CASZ1: variants seen among roughly 807,000 people sequenced by gnomAD.
CASZ1 encodes the protein castor zinc finger 1.
In CASZ1, 28 loss-of-function variants were observed where a neutral mutation model predicts 135.2. The ratio of observed to expected loss-of-function variants is 0.21; its 90% CI spans 0.15 to 0.28. The LOEUF is 0.28. CASZ1 is among the 10% of genes least tolerant of loss of function. CASZ1 has a pLI of 1.00. For missense variants in CASZ1, 2,161 were observed against 2,453.3 expected, an observed-to-expected ratio of 0.88 and a Z score of 2.52; for synonymous variants, 1,068 against 1,073.4, an observed-to-expected ratio of 0.99 and a Z score of 0.10.
At chr1:10,779,959 G>A (rs2100610071) in intron 1 of CASZ1, among the ~76,000 whole-genome samples, 1 of 152,266 alleles carries the variant, frequency 6.6e-6, no homozygotes, top group Non-Finnish European at 1.5e-5. Context: ...GCCTGGGAGT[G>A]TGTACCTGGA....
intron 9 of CASZ1, among the ~76,000 whole-genome samples, chr1:10,654,876 G>A (rs577427860): frequency 6.6e-6 from 1 of 152,356 alleles, no homozygotes; most frequent in South Asian, 2.1e-4. Context: ...TTGGCCCAGG[G>A]GAGGGAGCTG....
In CASZ1 at chr1:10,701,783, G is replaced by A. The variant is rs1384479163; in HGVS notation, c.-24+3709C>T. ...GCTCAGGCCTGGGGCTGAGCCCCTAGGACCAGGCAGCTGACGGGGGGCTGG... is the reference window on the plus strand; with the variant it reads ...GCTCAGGCCTGGGGCTGAGCCCCTAAGACCAGGCAGCTGACGGGGGGCTGG... On this transcript the variant is annotated intron_variant, in intron 3 of 20. Transcript: ENST00000377022. The surrounding 1 kb of genome is among the most constrained non-coding windows in gnomAD (Gnocchi z 6.3). Among the ~76,000 whole-genome samples the A allele has an allele frequency of 4.6e-5, 7 of 152,162 alleles. No homozygotes were observed. The highest frequency in any genetic ancestry group is 8.8e-5 in the Non-Finnish European group (6 of 68,026).
chr1:10,758,228 C>T (rs1049237425), intron 2 of CASZ1, among the ~76,000 whole-genome samples: 10 of 152,130 alleles, frequency 6.6e-5, no homozygotes, highest in Admixed American at 1.3e-4. Flanking sequence ...GTTTGTTTCA[C>T]GCTGCCTCGC....
chr1:10,752,891 G>C (rs1045790886), intron 2 of CASZ1, among the ~76,000 whole-genome samples: 7 of 151,990 alleles, frequency 4.6e-5, no homozygotes, highest in African/African-American at 1.5e-4. Flanking sequence ...CAAAAAATTA[G>C]CTGGGTGTGG....
In CASZ1 at chr1:10,706,093, T is replaced by C. The variant is rs1274014537; in HGVS notation, c.-76-549A>G. On this transcript the variant is annotated intron_variant, in intron 2 of 20. Coordinates refer to ENST00000377022, the MANE Select transcript of CASZ1 (RefSeq NM_001079843.3). The surrounding 1 kb of genome is among the most constrained non-coding windows in gnomAD (Gnocchi z 4.3). Reference sequence around the variant, plus strand: ...GGGCCAAGGCATCAGGAAGCCTCCATGCCCCAGGATCAGGCTGCCGACAGC... The same window carrying C: ...GGGCCAAGGCATCAGGAAGCCTCCACGCCCCAGGATCAGGCTGCCGACAGC... Among the ~76,000 whole-genome samples the C allele has an allele frequency of 6.6e-6, 1 of 152,242 alleles. No homozygotes were observed. The highest frequency in any genetic ancestry group is 1.9e-4 in the East Asian group (1 of 5,200).
At chr1:10,750,554 C>T (rs1272396219) in intron 2 of CASZ1, among the ~76,000 whole-genome samples, 1 of 152,094 alleles carries the variant, frequency 6.6e-6, no homozygotes, top group Non-Finnish European at 1.5e-5. Context: ...AGGCGTGAGC[C>T]ACTGTGCCCA....
intron 13 of CASZ1, 156 bp downstream of exon 13, chr1:10,650,536 A>G (rs765015601): frequency 6.2e-6 from 4 of 645,738 alleles, no homozygotes; most frequent in Middle Eastern, 2.6e-4. Context: ...TGGCTCTGAA[A>G]TTATATCCGA....
chr1:10,677,236 G>A (rs189633606), intron 4 of CASZ1, among the ~76,000 whole-genome samples: 9 of 152,318 alleles, frequency 5.9e-5, no homozygotes, highest in Admixed American at 2.6e-4. Flanking sequence ...CCTCGCTGCT[G>A]GAGGAGGCAG....
chr1:10,638,936 G>GT lies in CASZ1; in HGVS notation c.*5_*6insA. The GT allele has an allele frequency of 2.0e-6, 2 of 980,702 alleles. No individual in the cohort carries two copies. Among genetic ancestry groups the GT allele is most frequent in the Non-Finnish European group, 2.4e-6 (2 of 828,162 alleles). 60.8% of individuals were successfully genotyped at this position (980,702 alleles called of 1,614,324 possible). A position where few individuals can be genotyped will look rare whatever the true frequency, so the allele number is the denominator to read the frequency against. ...AGGCCGCCGCCAGGGCCACCCGCGG[G>GT]CGCCGCTAGGGCGAGGAGGCTGCAG... is the stretch of plus-strand genomic sequence containing the variant. On this transcript the variant is annotated 3_prime_UTR_variant, in exon 21 of 21. Transcript: ENST00000377022. This position sits in a 1 kb window ranked among gnomAD's most constrained non-coding sequence, Gnocchi z 5.9.
At position 10,793,731 on chromosome 1, in the gene CASZ1, C is replaced by CGG. The variant is rs554222744; in HGVS notation, c.-234+2831_-234+2832dup. ...AAGAAGGGGGTGGGTGGCGGGGGGGCGGGGCGGCGATCTCTCCAATTCGCC... is the reference window on the plus strand; with the variant it reads ...AAGAAGGGGGTGGGTGGCGGGGGGGCGGGGGGCGGCGATCTCTCCAATTCGCC... On this transcript the variant is annotated intron_variant, in intron 1 of 20. Transcript: ENST00000377022. 3.7e-3 allele frequency among the ~76,000 whole-genome samples: 443 copies of CGG among 121,246 alleles called. 8 individuals carry two copies. The East Asian group carries it at 0.053, about 14-fold the overall frequency. 79.5% of individuals were successfully genotyped at this position (121,246 alleles called of 152,430 possible).
rs1179088186 is a variant in CASZ1, at chr1:10,659,741, T to A, written c.1301A>T (p.Lys434Ile). ...TPEYLKSTFS[K>I]TDSITTGTVS... ...GGTCCCCGTGGTGATGGAGTCTGTT[T>A]TGGAGAAGGTTGACTTCAGGTACTC... The change falls in exon 6 of 21, where the codon AAA becomes ATA. Residue 434 changes from lysine to isoleucine, a missense_variant. Around this residue, in one of 7 missense-constraint regions of CASZ1, gnomAD observed 248 missense variants for 410.8 expected, o/e 0.60. Coordinates refer to ENST00000377022, the MANE Select transcript of CASZ1 (RefSeq NM_001079843.3). The A allele has an allele frequency of 6.2e-7, 1 of 1,613,998 alleles. No homozygotes were observed. Among genetic ancestry groups the A allele is most frequent in the South Asian group, 1.1e-5 (1 of 91,078 alleles).
chr1:10,725,466 A>G lies in CASZ1; in HGVS notation c.-76-19922T>C, dbSNP rs1639580032. Among the ~76,000 whole-genome samples, 1 of 152,164 alleles carries G rather than the reference A, an allele frequency of 6.6e-6. No homozygotes were observed. Among genetic ancestry groups the G allele is most frequent in the South Asian group, 2.1e-4 (1 of 4,836 alleles). The stretch of plus-strand genomic sequence containing the variant: ...TTCCTCTTTGCCAGACAGTTTGCAG[A>G]TTGCTCTGTTGGCTCAATTTCTTAT... On this transcript the variant is annotated intron_variant, in intron 2 of 20. Coordinates refer to ENST00000377022, the MANE Select transcript of CASZ1 (RefSeq NM_001079843.3). The surrounding 1 kb of genome is among the most constrained non-coding windows in gnomAD (Gnocchi z 4.4).
Position 10,660,182 on chromosome 1 carries a change from G to T in CASZ1, c.860C>A (p.Thr287Asn), listed in dbSNP as rs1371592237. ...CGGCAGGGGCAGGATGGTGGCCTTG[G>T]TCTCCAGGTGGGCCGTGCTGCTGGG... The part of the protein sequence containing the change: ...RLPSSTAHLE[T>N]KATILPLPSH... The change falls in exon 6 of 21, where the codon ACC becomes AAC. Residue 287 changes from threonine to asparagine, a missense_variant. Transcript: ENST00000377022. 1 of 1,613,548 alleles carries T rather than the reference G, an allele frequency of 6.2e-7. No individual in the cohort carries two copies. Among genetic ancestry groups the T allele is most frequent in the African/African-American group, 1.3e-5 (1 of 74,920 alleles).
At chr1:10,681,190 C>A (rs1212645817) in intron 4 of CASZ1, among the ~76,000 whole-genome samples, 1 of 151,074 alleles carries the variant, frequency 6.6e-6, no homozygotes, top group South Asian at 2.1e-4. Flanking sequence ...CAGGAGCCAC[C>A]GTGCCTGACC....
At chr1:10,750,455 A>T (rs1324796354) in intron 2 of CASZ1, among the ~76,000 whole-genome samples, 1 of 151,744 alleles carries the variant, frequency 6.6e-6, no homozygotes, top group Non-Finnish European at 1.5e-5. Flanking sequence ...GCTAATTTTT[A>T]TTTTTTAATT....
chr1:10,761,239 T>C (rs1055548455), intron 1 of CASZ1, among the ~76,000 whole-genome samples: 4 of 152,208 alleles, frequency 2.6e-5, no homozygotes, highest in African/African-American at 9.7e-5. Flanking sequence ...AAGCCAATAC[T>C]GGAAACAGAT....
chr1:10,732,446 G>A (rs1639718560), intron 2 of CASZ1, among the ~76,000 whole-genome samples: 1 of 152,088 alleles, frequency 6.6e-6, no homozygotes, highest in Non-Finnish European at 1.5e-5. Context: ...CACTGTCTTG[G>A]GGAACTAGGG....
At chr1:10,642,508 T>C (rs1378706054) in intron 20 of CASZ1, among the ~76,000 whole-genome samples, 1 of 151,440 alleles carries the variant, frequency 6.6e-6, no homozygotes, top group Non-Finnish European at 1.5e-5. Flanking sequence ...GGCGGGGCAG[T>C]GCCAGGGGTC....
chr1:10,672,210 T>TC (rs1033196322), intron 4 of CASZ1, among the ~76,000 whole-genome samples: 857 of 62,130 alleles, frequency 0.014, 9 homozygotes, highest in African/African-American at 0.052. Flanking sequence ...TTCTCCCCCC[T>TC]CCCCCCGCCA....
Sources: gnomAD v4.1 joint callset for allele counts (sites outside exome capture counted in the v4.1 genomes callset) on GRCh38, gnomAD v4.1.1 for gene constraint, gnomAD v4.1.1 regional missense constraint, Gnocchi (gnomAD v3.1) non-coding constraint, MANE v1.5 for transcripts, NCBI Gene and HGNC (gene_info 2026-07-23, HGNC 2026-07-21) for gene names.